The following CREBBP variants were observed in gnomAD, a reference collection of about 807,000 sequenced individuals.
CREBBP encodes the protein CREB binding lysine acetyltransferase.
Under a neutral mutation model 265.0 loss-of-function variants are expected in CREBBP, and 19 were observed. The ratio of observed to expected loss-of-function variants is 0.07; its 90% CI spans 0.05 to 0.11. CREBBP has a LOEUF of 0.11. Among genes scored for constraint, CREBBP ranks in the 10% least tolerant of loss-of-function variants. The pLI is 1.00. For synonymous variants in CREBBP, 1,457 were observed against 1,223.7 expected, an observed-to-expected ratio of 1.19 and a Z score of -3.98; for missense variants, 2,525 against 3,219.0, an observed-to-expected ratio of 0.78 and a Z score of 5.22.
At chr16:3,739,392 T>C in intron 25 of CREBBP, 186 bp downstream of exon 25, 2 of 690,948 alleles carry the variant, frequency 2.9e-6, no homozygotes, top group Non-Finnish European at 4.9e-6. Flanking sequence ...ACTGCAGTCA[T>C]CTCAACAGTT....
chr16:3,783,035 A>G, intron 5 of CREBBP, 109 bp from the exon 6 acceptor site: 1 of 1,364,024 alleles, frequency 7.3e-7, no homozygotes, highest in East Asian at 2.4e-5. Flanking sequence ...TCAAAATACT[A>G]CACATGAATA....
intron 1 of CREBBP, among the ~76,000 whole-genome samples, chr16:3,864,929 T>C (rs1401574937): frequency 6.6e-6 from 1 of 152,154 alleles, no homozygotes; most frequent in African/African-American, 2.4e-5. Flanking sequence ...TAGCGGGGCA[T>C]GGTAGTGCAT....
Position 3,729,093 on chromosome 16 carries a change from C to A in CREBBP, c.5954G>T (p.Arg1985Leu), listed in dbSNP as rs1413535883. The A allele has an allele frequency of 6.3e-7, 1 of 1,584,014 alleles. No homozygotes were observed. The highest frequency in any genetic ancestry group is 1.1e-5 in the South Asian group (1 of 88,486). ...VNINNSMPPG[R>L]TGMGTPGSQM... ...GCTCCCCGGGGTCCCCATGCCCGTGCGTCCTGGGGGCATGCTGTTGTTGAT... is the reference window on the plus strand; with the variant it reads ...GCTCCCCGGGGTCCCCATGCCCGTGAGTCCTGGGGGCATGCTGTTGTTGAT... Residue 1985 changes from arginine (R) to leucine (L), a missense_variant, in exon 31 of 31, where the codon CGC becomes CTC. Arg to Leu is a moderately radical substitution (Grantham distance 102). Coordinates refer to ENST00000262367, the MANE Select transcript of CREBBP (RefSeq NM_004380.3).
At chr16:3,871,199 TCACACACA>T (rs1037838119) in intron 1 of CREBBP, among the ~76,000 whole-genome samples, 3 of 49,824 alleles carry the variant, frequency 6.0e-5, no homozygotes, top group East Asian at 6.2e-4. Context: ...TCTCTCTCAC[TCACACACA>T]CACACACACA....
At position 3,725,474 on chromosome 16, in the gene CREBBP, A is replaced by G; in HGVS notation, c.*2244T>C. ...CTAGCCCCACTTCTTGTTTGAACAC[A>G]TGGCTCAAGGTTTCCCTACGGGTGG... On this transcript the variant is annotated 3_prime_UTR_variant, in exon 31 of 31. Coordinates refer to ENST00000262367, the MANE Select transcript of CREBBP (RefSeq NM_004380.3). 1 of 233,264 alleles carries G rather than the reference A, an allele frequency of 4.3e-6. No individual in the cohort carries two copies. Among genetic ancestry groups the G allele is most frequent in the Non-Finnish European group, 8.5e-6 (1 of 118,034 alleles). The allele number at this position is 233,264 out of a possible 1,614,324, so 14.4% of individuals were successfully genotyped here. A position where few individuals can be genotyped will look rare whatever the true frequency, so the allele number is the denominator to read the frequency against.
At chr16:3,733,857 G>A (rs1319776393) in intron 28 of CREBBP, among the ~76,000 whole-genome samples, 4 of 152,120 alleles carry the variant, frequency 2.6e-5, no homozygotes, top group African/African-American at 9.7e-5. Context: ...GGCCAAGCTG[G>A]TCTCAAACTC....
In CREBBP at chr16:3,731,969, C is replaced by T. The variant is rs2151320008; in HGVS notation, c.4729-32G>A. Reference sequence around the variant, plus strand: ...CAACACGCAAGGCTGTGAGACCAGGCAAGTGCCCCTCCACACTTGGCACGG... The same window carrying T: ...CAACACGCAAGGCTGTGAGACCAGGTAAGTGCCCCTCCACACTTGGCACGG... On this transcript the variant is annotated intron_variant, in intron 28 of 30. Transcript: ENST00000262367. The surrounding 1 kb of genome is among the most constrained non-coding windows in gnomAD (Gnocchi z 7.7). The T allele has an allele frequency of 6.2e-7, 1 of 1,614,078 alleles. No individual in the cohort carries two copies. Among genetic ancestry groups the T allele is most frequent in the Non-Finnish European group, 8.5e-7 (1 of 1,180,028 alleles).
At chr16:3,814,080 C>A (rs2053987046) in intron 2 of CREBBP, among the ~76,000 whole-genome samples, 1 of 152,086 alleles carries the variant, frequency 6.6e-6, no homozygotes, top group Admixed American at 6.6e-5. Context: ...CTAAGATAGC[C>A]CTGCCAGGGT....
chr16:3,745,050 A>G (rs1267187074), intron 22 of CREBBP, 89 bp from the exon 23 acceptor site: 1 of 1,031,524 alleles, frequency 9.7e-7, no homozygotes. Context: ...GTTTGTTGGC[A>G]GTTTAAATCA....
At chr16:3,790,541 A>AT (rs1364811493) in intron 5 of CREBBP, among the ~76,000 whole-genome samples, 1 of 151,968 alleles carries the variant, frequency 6.6e-6, no homozygotes, top group African/African-American at 2.4e-5. Flanking sequence ...CGCCCGGCTA[A>AT]TTTTGTGTTT....
intron 3 of CREBBP, among the ~76,000 whole-genome samples, chr16:3,805,903 ATC>A (rs1193579165): frequency 6.6e-6 from 1 of 152,212 alleles, no homozygotes; most frequent in Non-Finnish European, 1.5e-5. Flanking sequence ...TTTAAGAATT[ATC>A]TGAGTTATAA....
intron 2 of CREBBP, among the ~76,000 whole-genome samples, chr16:3,836,917 T>C (rs907985432): frequency 6.6e-6 from 1 of 152,258 alleles, no homozygotes; most frequent in Non-Finnish European, 1.5e-5. Flanking sequence ...GTGTCTGTGA[T>C]GCTGCTGGTG....
intron 2 of CREBBP, among the ~76,000 whole-genome samples, chr16:3,819,011 T>C (rs1377731722): frequency 6.6e-6 from 1 of 152,234 alleles, no homozygotes; most frequent in Non-Finnish European, 1.5e-5. Context: ...CAACTCTGTC[T>C]CCTTCAAGTT....
rs745770513 is a variant in CREBBP, at chr16:3,727,942, G to A, written c.7105C>T (p.Pro2369Ser). The stretch of plus-strand genomic sequence containing the variant: ...GAGACGTGGTGTGGCGAAGGCTGGG[G>A]CTGTATCCGTGGTGACGGGCTGGAA... ...PHSSPSPRIQ[P>S]QPSPHHVSPQ... is the part of the protein sequence containing the mutation. The change falls in exon 31 of 31, where the codon CCC (proline) becomes TCC (serine). Residue 2369 changes from proline (P) to serine (S), a missense_variant. Around this residue, in one of 19 missense-constraint regions of CREBBP, gnomAD observed 473 missense variants for 459.3 expected, o/e 1.03. Transcript: ENST00000262367. The A allele has an allele frequency of 1.9e-6, 3 of 1,608,824 alleles. No homozygotes were observed. The highest frequency in any genetic ancestry group is 2.6e-6 in the Non-Finnish European group (3 of 1,176,364).
intron 21 of CREBBP, chr16:3,745,754 C>G (rs1181713576): frequency 2.9e-6 from 1 of 339,300 alleles, no homozygotes; most frequent in Non-Finnish European, 5.7e-6. Flanking sequence ...GAGAACAATA[C>G]TTTGAGTTCT....
At chr16:3,774,823 C>A in intron 11 of CREBBP, 130 bp from the exon 12 acceptor site, 1 of 1,190,462 alleles carries the variant, frequency 8.4e-7, no homozygotes, top group Non-Finnish European at 1.2e-6. Context: ...AAGAAATCAC[C>A]CAATTAATCA....
Position 3,810,715 on chromosome 16 carries a change from A to G in CREBBP, c.863T>C (p.Met288Thr). 6.2e-7 allele frequency: 1 copy of G among 1,613,932 alleles called. No homozygotes were observed. Among genetic ancestry groups the G allele is most frequent in the Non-Finnish European group, 8.5e-7 (1 of 1,180,010 alleles). The stretch of plus-strand genomic sequence containing the variant: ...CTGGGGGTTCACTCCAGTGGCTCCC[A>G]TTGGCTGCCCTCCAGCTTGACTAAA... ...QPFSQAGGQPMGATGVNPQLA... is the reference protein window; with the variant it reads ...QPFSQAGGQPTGATGVNPQLA... Residue 288 changes from methionine to threonine, a missense_variant, in exon 3 of 31, where the codon ATG (methionine) becomes ACG (threonine). Transcript: ENST00000262367.
At chr16:3,789,494 G>A (rs1164320866) in intron 5 of CREBBP, among the ~76,000 whole-genome samples, 2 of 152,050 alleles carry the variant, frequency 1.3e-5, no homozygotes, top group Admixed American at 6.6e-5. Flanking sequence ...CTCTACCTCG[G>A]TCCTTTGAGG....
rs373948178 is a variant in CREBBP at position 3,771,598 on chromosome 16, C to T, written c.2464-612G>A. 1.9e-4 allele frequency among the ~76,000 whole-genome samples: 29 copies of T among 152,068 alleles called. No homozygotes were observed. In the East Asian group the frequency reaches 3.5e-3, roughly 18 times the overall value. On this transcript the variant is annotated intron_variant, in intron 13 of 30. Coordinates refer to ENST00000262367, the MANE Select transcript of CREBBP (RefSeq NM_004380.3). ...CATTCCAAGACCCCCAGTCTTGGAA[C>T]GCCTGAAACTGCGGATAGTACTGAA...
Sources: allele counts gnomAD v4.1 joint callset (sites outside exome capture counted in the v4.1 genomes callset), GRCh38; gene constraint gnomAD v4.1.1; regional missense constraint gnomAD v4.1.1; non-coding constraint Gnocchi (gnomAD v3.1); transcripts MANE v1.5; gene names NCBI Gene and HGNC (gene_info 2026-07-23, HGNC 2026-07-21).